The following UPP2 variants were observed in gnomAD, a reference collection of about 807,000 sequenced individuals.
UPP2 encodes uridine phosphorylase 2.
A neutral mutation model predicts 26.7 loss-of-function variants in UPP2; 23 were observed. The observed-to-expected ratio is 0.86, with a 90% CI of 0.62 to 1.22. The LOEUF (loss-of-function observed/expected upper bound fraction) is 1.22. Ranked by LOEUF, UPP2 falls within the 50% of genes most tolerant of loss-of-function variation. The probability of loss-of-function intolerance (pLI) is 0.00; values close to 1 mark genes in which losing one functional copy is unlikely to be tolerated. For synonymous variants in UPP2, 127 were observed against 141.3 expected, an observed-to-expected ratio of 0.90 and a Z score of 0.72; for missense variants, 387 against 396.7, an observed-to-expected ratio of 0.98 and a Z score of 0.21.
chr2:158,123,798 G>A lies in UPP2; in HGVS notation c.714G>A (p.Lys238=), dbSNP rs1006760644. 2.5e-6 allele frequency: 4 copies of A among 1,614,078 alleles called. No homozygotes were observed. Among genetic ancestry groups the A allele is most frequent in the Non-Finnish European group, 2.5e-6 (3 of 1,179,946 alleles). Residue 238 remains lysine, a synonymous_variant, in exon 6 of 7, where the codon AAG becomes AAA. Transcript: ENST00000005756. ...TGTGCTCCTTTTCCAGAGAAAAAAA[G>A]TTAGACTACTTGAAGAGAGCATTTA... ...GALCSFSREK[K]LDYLKRAFKA... is the part of the protein sequence containing the mutation.
chr2:158,054,726 T>C (rs74368498), intron 3 of UPP2, among the ~76,000 whole-genome samples: 1 of 152,236 alleles, frequency 6.6e-6, no homozygotes, highest in Non-Finnish European at 1.5e-5. Context: ...CCATAAATAG[T>C]CAATGACTTC....
intron 6 of UPP2, among the ~76,000 whole-genome samples, chr2:158,128,716 G>A (rs535483540): frequency 1.3e-5 from 2 of 152,286 alleles, no homozygotes; most frequent in African/African-American, 4.8e-5. Context: ...GACACAACAT[G>A]TTCATAGTCT....
intron 3 of UPP2, among the ~76,000 whole-genome samples, chr2:158,069,857 C>A (rs1167256835): frequency 6.6e-6 from 1 of 152,136 alleles, no homozygotes; most frequent in Non-Finnish European, 1.5e-5. Flanking sequence ...ATCAGAGAGC[C>A]AGCATGGTCA....
chr2:158,070,296 G>C (rs956794348), intron 3 of UPP2, among the ~76,000 whole-genome samples: 1 of 152,120 alleles, frequency 6.6e-6, no homozygotes, highest in Non-Finnish European at 1.5e-5. Flanking sequence ...CATTTATGTT[G>C]GTGTCATTCA....
intron 3 of UPP2, among the ~76,000 whole-genome samples, chr2:158,040,524 T>C (rs776500423): frequency 3.3e-5 from 5 of 152,252 alleles, no homozygotes; most frequent in Non-Finnish European, 5.9e-5. Flanking sequence ...TACCTATGCA[T>C]GTATTTGCTC....
intron 3 of UPP2, among the ~76,000 whole-genome samples, chr2:158,080,276 T>C (rs769784868): frequency 1.2e-4 from 19 of 152,184 alleles, no homozygotes; most frequent in Admixed American, 2.6e-4. Context: ...ATAGTAATTA[T>C]TATTATTTCC....
chr2:158,081,837 A>G lies in UPP2; in HGVS notation c.148-20203A>G, dbSNP rs974614405. On this transcript the variant is annotated intron_variant, in intron 3 of 9. Coordinates refer to the UPP2 transcript ENST00000605860. ...GTAGTGGGGAGGGGGAAAAGTAAAG[A>G]TGATTAATGGATATAAAAATATAGG... 4.6e-5 allele frequency among the ~76,000 whole-genome samples: 7 copies of G among 152,128 alleles called. No individual in the cohort carries two copies. The East Asian group carries it at 1.2e-3, about 25-fold the overall frequency.
At chr2:157,995,314 T>C in intron 2 of UPP2, 1 of 1,578,518 alleles carries the variant, frequency 6.3e-7, no homozygotes, top group Non-Finnish European at 8.7e-7. Context: ...TGTCTGGTCA[T>C]ATTCCAAGTC....
At chr2:158,038,741 ACAT>A (rs1684040728) in intron 3 of UPP2, among the ~76,000 whole-genome samples, 2 of 152,212 alleles carry the variant, frequency 1.3e-5, no homozygotes, top group East Asian at 3.8e-4. Flanking sequence ...CTCCCAAAAG[ACAT>A]CATTGTCAAA....
At chr2:158,110,634 G>C (rs887024271) in intron 2 of UPP2, among the ~76,000 whole-genome samples, 2 of 152,176 alleles carry the variant, frequency 1.3e-5, no homozygotes, top group African/African-American at 4.8e-5. Context: ...CCCACCAACA[G>C]TGTAAAAGTG....
intron 2 of UPP2, among the ~76,000 whole-genome samples, 162 bp downstream of exon 2, chr2:158,106,378 C>T (rs1683196222): frequency 1.3e-5 from 2 of 152,176 alleles, no homozygotes; most frequent in South Asian, 2.1e-4. Context: ...ATATCATGAA[C>T]AATCATTTCC....
At chr2:158,128,905 C>A (rs944297293) in intron 6 of UPP2, among the ~76,000 whole-genome samples, 1 of 151,790 alleles carries the variant, frequency 6.6e-6, no homozygotes, top group Non-Finnish European at 1.5e-5. Context: ...TTATAGTATG[C>A]AGAGCCCTCA....
intron 6 of UPP2, among the ~76,000 whole-genome samples, chr2:158,124,718 C>A (rs1242157093): frequency 6.6e-6 from 1 of 152,174 alleles, no homozygotes; most frequent in Admixed American, 6.6e-5. Flanking sequence ...ACAAACCCAA[C>A]AACATTTGCT....
At chr2:158,068,886 C>T (rs1213567021) in intron 3 of UPP2, among the ~76,000 whole-genome samples, 2 of 129,602 alleles carry the variant, frequency 1.5e-5, no homozygotes, top group African/African-American at 5.9e-5. Context: ...GGCGCAATCT[C>T]AGCTCACTGC....
intron 3 of UPP2, among the ~76,000 whole-genome samples, chr2:158,056,711 A>C (rs1682250977): frequency 1.3e-5 from 2 of 152,156 alleles, no homozygotes. Flanking sequence ...TGAGATTCTT[A>C]GAAGGACGGC....
intron 3 of UPP2, among the ~76,000 whole-genome samples, chr2:158,031,902 T>A (rs1683927040): frequency 6.6e-6 from 1 of 152,212 alleles, no homozygotes; most frequent in Non-Finnish European, 1.5e-5. Context: ...TTGATCGTGA[T>A]CATGATCATC....
chr2:158,051,482 A>T (rs1682158045), intron 3 of UPP2, among the ~76,000 whole-genome samples: 1 of 152,114 alleles, frequency 6.6e-6, no homozygotes. Flanking sequence ...CTTGGAGTGA[A>T]GATAAATAAC....
chr2:158,020,748 A>C (rs1437381747), intron 3 of UPP2, among the ~76,000 whole-genome samples: 5 of 152,252 alleles, frequency 3.3e-5, no homozygotes, highest in African/African-American at 1.2e-4. Context: ...ACTGGTGATC[A>C]AGGATGTTAA....
intron 3 of UPP2, among the ~76,000 whole-genome samples, chr2:158,016,328 A>C (rs967025019): frequency 6.6e-6 from 1 of 151,962 alleles, no homozygotes; most frequent in Non-Finnish European, 1.5e-5. Context: ...AGCAAAAAAA[A>C]TTCTTGTGAA....
Sources: allele counts gnomAD v4.1 joint callset (sites outside exome capture counted in the v4.1 genomes callset), GRCh38; gene constraint gnomAD v4.1.1; transcripts MANE v1.5; gene names NCBI Gene and HGNC (gene_info 2026-07-23, HGNC 2026-07-21).